NAALADL2: variants seen among roughly 807,000 people sequenced by gnomAD.
NAALADL2 encodes the protein inactive N-acetylated-alpha-linked acidic dipeptidase-like protein 2.
In NAALADL2, 76 loss-of-function variants were observed where a neutral mutation model predicts 87.2. The ratio of observed to expected loss-of-function variants is 0.87; its 90% CI spans 0.72 to 1.05. The LOEUF (loss-of-function observed/expected upper bound fraction) is 1.05, where lower values mean the gene tolerates loss of function less well. NAALADL2 is among the 50% of genes least tolerant of loss of function. NAALADL2 has a pLI of 0.00. For synonymous variants in NAALADL2, 354 were observed against 331.0 expected, an observed-to-expected ratio of 1.07 and a Z score of -0.75; for missense variants, 1,089 against 945.8, an observed-to-expected ratio of 1.15 and a Z score of -1.99.
At chr3:175,117,706 G>A (rs1282773318) in intron 2 of NAALADL2, among the ~76,000 whole-genome samples, 2 of 151,950 alleles carry the variant, frequency 1.3e-5, no homozygotes, top group Non-Finnish European at 2.9e-5. Flanking sequence ...AAGACAGTGC[G>A]GCAATTCCTC....
In NAALADL2 at chr3:175,805,485, T is replaced by C. The variant is rs1754621727; in HGVS notation, c.*2282T>C. On this transcript the variant is annotated 3_prime_UTR_variant, in exon 14 of 14. Coordinates refer to ENST00000454872, the MANE Select transcript of NAALADL2 (RefSeq NM_207015.3). ...TAAAGCAGACGTCCAACAAATTCTG[T>C]ACATGCTGCTTTACATCTTTGCAAC... 6.6e-6 allele frequency: 1 copy of C among 151,902 alleles called. No homozygotes were observed. Among genetic ancestry groups the C allele is most frequent in the South Asian group, 2.1e-4 (1 of 4,834 alleles). 9.4% of individuals were successfully genotyped at this position (151,902 alleles called of 1,614,324 possible). A position where few individuals can be genotyped will look rare whatever the true frequency, so the allele number is the denominator to read the frequency against.
intron 4 of NAALADL2, among the ~76,000 whole-genome samples, chr3:175,301,440 T>A (rs1757073274): frequency 6.6e-6 from 1 of 152,174 alleles, no homozygotes; most frequent in African/African-American, 2.4e-5. Flanking sequence ...AATAAATACA[T>A]AAATACTGCA....
At chr3:175,751,176 A>T (rs191582643) in intron 12 of NAALADL2, among the ~76,000 whole-genome samples, 13 of 152,290 alleles carry the variant, frequency 8.5e-5, no homozygotes, top group Non-Finnish European at 1.6e-4. Context: ...ATCTAAAAGA[A>T]TCCTTTTTAA....
chr3:175,751,453 A>T lies in NAALADL2; in HGVS notation c.1991-3767A>T, dbSNP rs928861527. 2.6e-5 allele frequency among the ~76,000 whole-genome samples: 4 copies of T among 152,236 alleles called. No individual in the cohort carries two copies. In the East Asian group the frequency reaches 5.8e-4, roughly 22 times the overall value. On this transcript the variant is annotated intron_variant, in intron 12 of 13. Transcript: ENST00000454872. ...GTTACAATATTTTTTCCATGCCTTT[A>T]AAAAATGGGTTTGTAGTAACTTGTG...
chr3:175,009,905 G>T (rs1402871494), intron 1 of NAALADL2, among the ~76,000 whole-genome samples: 1 of 151,886 alleles, frequency 6.6e-6, no homozygotes, highest in Non-Finnish European at 1.5e-5. Context: ...ATAATATTAT[G>T]TAATGAAAGA....
chr3:174,585,890 C>T (rs10936805), intron 2 of NAALADL2, among the ~76,000 whole-genome samples: 40,869 of 151,940 alleles, frequency 0.27, 6,899 homozygotes, highest in East Asian at 0.75. Context: ...TGATGAACTC[C>T]ATAACTTTGG....
intron 7 of NAALADL2, among the ~76,000 whole-genome samples, chr3:175,464,461 G>A (rs937481118): frequency 6.6e-5 from 10 of 151,510 alleles, no homozygotes; most frequent in African/African-American, 2.4e-4. Context: ...CAGATATTAT[G>A]TAGGCTAATT....
intron 2 of NAALADL2, among the ~76,000 whole-genome samples, chr3:174,609,845 C>T (rs1380085063): frequency 2.6e-5 from 4 of 151,984 alleles, no homozygotes; most frequent in African/African-American, 4.8e-5. Context: ...AAAAAGAGCC[C>T]GCATCGCCAA....
At chr3:175,439,556 C>T (rs1352130460) in intron 5 of NAALADL2, among the ~76,000 whole-genome samples, 2 of 151,670 alleles carry the variant, frequency 1.3e-5, no homozygotes, top group Non-Finnish European at 2.9e-5. Context: ...CAGGTGGCAT[C>T]GTATTGTGGT....
intron 5 of NAALADL2, among the ~76,000 whole-genome samples, chr3:175,396,766 T>A (rs1361011253): frequency 6.6e-6 from 1 of 151,972 alleles, no homozygotes; most frequent in East Asian, 1.9e-4. Context: ...ACTGAGTGAG[T>A]CCTCACAAGA....
At chr3:175,604,840 C>A (rs1723468926) in intron 10 of NAALADL2, among the ~76,000 whole-genome samples, 1 of 152,022 alleles carries the variant, frequency 6.6e-6, no homozygotes, top group Non-Finnish European at 1.5e-5. Flanking sequence ...AATGTTGAAG[C>A]ACAAGATGGA....
At chr3:175,051,194 T>C (rs1440564468) in intron 1 of NAALADL2, among the ~76,000 whole-genome samples, 2 of 152,222 alleles carry the variant, frequency 1.3e-5, no homozygotes, top group African/African-American at 4.8e-5. Flanking sequence ...TGAAGATTCT[T>C]TTCATTTACA....
rs536838908 is a variant in NAALADL2, at chr3:174,959,929, C to T, written c.43+100479C>T. Among the ~76,000 whole-genome samples the T allele has an allele frequency of 2.0e-5, 3 of 152,084 alleles. No individual in the cohort carries two copies. In the East Asian group the frequency reaches 5.8e-4, roughly 30 times the overall value. On this transcript the variant is annotated intron_variant, in intron 1 of 13. Transcript: ENST00000454872. ...TTGTCCTTATCTTATATGAAAGTAT[C>T]GAATTCTTAAAGTTAATTGTCCCTT...
chr3:175,667,381 G>A (rs1364735835), intron 11 of NAALADL2, among the ~76,000 whole-genome samples: 3 of 152,120 alleles, frequency 2.0e-5, no homozygotes, highest in East Asian at 3.9e-4. Flanking sequence ...TATGAGCAAA[G>A]ATCCAAATTG....
At chr3:174,938,601 A>G (rs1198477347) in intron 1 of NAALADL2, among the ~76,000 whole-genome samples, 1 of 152,128 alleles carries the variant, frequency 6.6e-6, no homozygotes, top group Non-Finnish European at 1.5e-5. Flanking sequence ...GAATCACCAT[A>G]CTGTTTTCCA....
intron 5 of NAALADL2, among the ~76,000 whole-genome samples, chr3:175,379,975 C>G (rs1158722630): frequency 6.6e-6 from 1 of 152,084 alleles, no homozygotes; most frequent in African/African-American, 2.4e-5. Flanking sequence ...TGCATGTTCT[C>G]ACTCATAGGT....
rs769198906 is a variant in NAALADL2, at chr3:174,859,455, GT to G, written c.43+6del. 12 of 1,607,884 alleles carry G rather than the reference GT, an allele frequency of 7.5e-6. No individual in the cohort carries two copies. The highest frequency in any genetic ancestry group is 1.1e-5 in the South Asian group (1 of 90,404). On this transcript the variant is annotated splice_donor_region_variant and intron_variant, in intron 1 of 13. Transcript: ENST00000454872. ...TACCTAACACGTCTTTGCAAGGTAA[GT>G]ACCAACAGCCTATGAACTTTTCACT...
At chr3:174,869,158 A>G (rs9290522) in intron 1 of NAALADL2, among the ~76,000 whole-genome samples, 45,636 of 151,960 alleles carry the variant, frequency 0.3, 6,907 homozygotes, top group Admixed American at 0.34. Flanking sequence ...CTAAGGTGAG[A>G]CATGAGAAAG....
At chr3:175,598,263 T>A (rs1241307611) in intron 10 of NAALADL2, among the ~76,000 whole-genome samples, 2 of 152,022 alleles carry the variant, frequency 1.3e-5, no homozygotes, top group Admixed American at 6.6e-5. Context: ...GTAGGCTGAA[T>A]AGATTGTTAT....
Sources: allele counts gnomAD v4.1 joint callset (sites outside exome capture counted in the v4.1 genomes callset), GRCh38; gene constraint gnomAD v4.1.1; transcripts MANE v1.5; gene names NCBI Gene and HGNC (gene_info 2026-07-23, HGNC 2026-07-21).